LDAF1: variants seen among roughly 807,000 people sequenced by gnomAD.
LDAF1 encodes the protein PROMETHIN.
A neutral mutation model predicts 13.5 loss-of-function variants in LDAF1; 7 were observed. The observed-to-expected ratio is 0.52, with a 90% CI of 0.29 to 0.97. The LOEUF (loss-of-function observed/expected upper bound fraction) is 0.97. LDAF1 is among the 50% of genes least tolerant of loss of function. The pLI is 0.07. For missense variants in LDAF1, 148 were observed against 193.2 expected, an observed-to-expected ratio of 0.77 and a Z score of 1.39; for synonymous variants, 69 against 77.1, an observed-to-expected ratio of 0.89 and a Z score of 0.55.
At chr16:21,166,736 TG>T in intron 2 of LDAF1, 1 of 893,462 alleles carries the variant, frequency 1.1e-6, no homozygotes, top group Non-Finnish European at 1.8e-6. Flanking sequence ...AGGATGCATG[TG>T]GATTCGAACT....
intron 3 of LDAF1, 81 bp from the exon 4 acceptor site, chr16:21,173,929 T>C: frequency 7.1e-7 from 1 of 1,409,456 alleles, no homozygotes; most frequent in South Asian, 1.4e-5. Context: ...GCGGTTGTTA[T>C]TTTAAACAGA....
chr16:21,166,659 C>T (rs962150632), intron 2 of LDAF1, among the ~76,000 whole-genome samples: 5 of 152,208 alleles, frequency 3.3e-5, no homozygotes, highest in African/African-American at 1.2e-4. Context: ...TCCTGGAGAG[C>T]CCATCTGCTC....
intron 2 of LDAF1, chr16:21,165,749 A>G (rs1365362184): frequency 2.3e-5 from 9 of 383,998 alleles, no homozygotes; most frequent in Non-Finnish European, 3.2e-5. Context: ...TTTTTCCCAG[A>G]TGAAATTTAA....
chr16:21,177,037 A>C (rs1345470345), intron 4 of LDAF1: 2 of 152,224 alleles, frequency 1.3e-5, no homozygotes, highest in Non-Finnish European at 2.9e-5. Flanking sequence ...TAAAAGGAAC[A>C]ATATTACCTG....
At chr16:21,162,708 A>C (rs2092988469) in intron 2 of LDAF1, among the ~76,000 whole-genome samples, 1 of 152,226 alleles carries the variant, frequency 6.6e-6, no homozygotes, top group Admixed American at 6.5e-5. Flanking sequence ...TTGTGGATTT[A>C]CCAAGCTATT....
chr16:21,159,116 A>C (rs1380139431), intron 1 of LDAF1, among the ~76,000 whole-genome samples: 1 of 151,688 alleles, frequency 6.6e-6, no homozygotes, highest in East Asian at 1.9e-4. Flanking sequence ...ACGTCGAGGC[A>C]AACCTCCCTA....
chr16:21,170,994 G>A (rs1240766084), intron 3 of LDAF1, among the ~76,000 whole-genome samples: 1 of 152,182 alleles, frequency 6.6e-6, no homozygotes, highest in African/African-American at 2.4e-5. Context: ...AAAGGTTGTT[G>A]TGAAGATTGA....
In LDAF1 at chr16:21,179,659, T is replaced by A; in HGVS notation, c.*103T>A. The A allele has an allele frequency of 1.0e-6, 1 of 986,152 alleles. No individual in the cohort carries two copies. The highest frequency in any genetic ancestry group is 1.5e-6 in the Non-Finnish European group (1 of 659,606). 61.1% of individuals were successfully genotyped at this position (986,152 alleles called of 1,614,324 possible). On this transcript the variant is annotated 3_prime_UTR_variant, in exon 5 of 5. Coordinates refer to ENST00000233047, the MANE Select transcript of LDAF1 (RefSeq NM_001301771.2). ...GGGGGCTGGGTAGGCAAGCACTCCT[T>A]GGCTGTGTCCTCTCGCTTTTTCACT...
chr16:21,178,179 C>A (rs1403528910), intron 4 of LDAF1: 1 of 984,362 alleles, frequency 1.0e-6, no homozygotes, highest in African/African-American at 1.7e-5. Context: ...TGTAGATCAG[C>A]TAGCCTCTGA....
intron 4 of LDAF1, 157 bp from the exon 5 acceptor site, chr16:21,179,318 C>T: frequency 1.0e-6 from 1 of 983,644 alleles, no homozygotes; most frequent in South Asian, 4.7e-5. Flanking sequence ...CCTGTGCCCT[C>T]AGTTTCTTCA....
chr16:21,160,215 A>G (rs571291717), intron 1 of LDAF1, among the ~76,000 whole-genome samples: 5 of 152,128 alleles, frequency 3.3e-5, no homozygotes, highest in Non-Finnish European at 7.3e-5. Context: ...AATGGAAAAG[A>G]TATCTCTGTG....
At chr16:21,168,826 T>C (rs59222998) in intron 2 of LDAF1, among the ~76,000 whole-genome samples, 6,503 of 132,266 alleles carry the variant, frequency 0.049, 218 homozygotes, top group East Asian at 0.17. Context: ...TTAAATATAA[T>C]TTAATTTTAT....
chr16:21,159,884 C>CT, intron 1 of LDAF1: 1 of 982,890 alleles, frequency 1.0e-6, no homozygotes, highest in Non-Finnish European at 1.2e-6. Flanking sequence ...ATTATGGGAA[C>CT]TGAGTGCTGG....
At position 21,179,485 on chromosome 16, in the gene LDAF1, C is replaced by G. The variant is rs757802375; in HGVS notation, c.415C>G (p.Gln139Glu). ...CTTGTTATCCGACAGGCCACTGACA[C>G]AGCAAAACACCAGTTGTGACTTTCT... ...SCWFSPRPLTQQNTSCDFLPA... is the reference protein window; with the variant it reads ...SCWFSPRPLTEQNTSCDFLPA... Residue 139 changes from glutamine (Q) to glutamate (E), a missense_variant, in exon 5 of 5, where the codon CAG becomes GAG. By Grantham distance (29) the Gln-to-Glu change is conservative (BLOSUM62 2). Transcript: ENST00000233047. 1 of 1,614,178 alleles carries G rather than the reference C, an allele frequency of 6.2e-7. No homozygotes were observed. Among genetic ancestry groups the G allele is most frequent in the Admixed American group, 1.7e-5 (1 of 60,024 alleles).
rs1567201166 is a variant in LDAF1 at position 21,174,088 on chromosome 16, G to A, written c.344G>A (p.Gly115Glu). The A allele has an allele frequency of 6.2e-7, 1 of 1,614,000 alleles. No individual in the cohort carries two copies. The highest frequency in any genetic ancestry group is 1.7e-4 in the Middle Eastern group (1 of 6,060). The change falls in exon 4 of 5, where the codon GGG (glycine) becomes GAG (glutamate). Residue 115 changes from glycine (G) to glutamate (E), a missense_variant. Gly to Glu is a moderately conservative substitution (Grantham distance 98, BLOSUM62 -2). Coordinates refer to ENST00000233047, the MANE Select transcript of LDAF1 (RefSeq NM_001301771.2). ...GGCTTCGTATCACTCGCCATGTCGGGGATGATGATAGCATCTTATGTAGTG... is the reference window on the plus strand; with the variant it reads ...GGCTTCGTATCACTCGCCATGTCGGAGATGATGATAGCATCTTATGTAGTG... The part of the protein sequence containing the change: ...GLGFVSLAMS[G>E]MMIASYVVVS...
intron 4 of LDAF1, 38 bp downstream of exon 4, chr16:21,174,186 C>A (rs778195256): frequency 6.3e-7 from 1 of 1,577,192 alleles, no homozygotes; most frequent in Non-Finnish European, 8.6e-7. Context: ...TTTTTTTAAT[C>A]TTTCTACTTT....
intron 4 of LDAF1, chr16:21,178,286 CAGAGCCA>C: frequency 2.0e-6 from 2 of 985,356 alleles, no homozygotes; most frequent in Non-Finnish European, 2.4e-6. Context: ...TGTTTATTTG[CAGAGCCA>C]CCAAACTCAC....
At chr16:21,166,875 T>A (rs1199921613) in intron 2 of LDAF1, 1 of 1,535,730 alleles carries the variant, frequency 6.5e-7, no homozygotes, top group African/African-American at 1.4e-5. Flanking sequence ...TGGACTCTGA[T>A]GATGGAGTGT....
In LDAF1 at chr16:21,169,089, C is replaced by T; in HGVS notation, c.97-1348C>T. The T allele has an allele frequency of 3.9e-6, 3 of 768,650 alleles. 1 individual carries two copies. Among genetic ancestry groups the T allele is most frequent in the South Asian group, 1.2e-4 (2 of 16,920 alleles). 47.6% of individuals were successfully genotyped at this position (768,650 alleles called of 1,614,324 possible). On this transcript the variant is annotated intron_variant, in intron 2 of 4. Coordinates refer to ENST00000233047, the MANE Select transcript of LDAF1 (RefSeq NM_001301771.2). ...AGTGATTAGCTTTTAATGCTAATCACTTTAATAATGCTTTTAATAATAATA... is the reference window on the plus strand; with the variant it reads ...AGTGATTAGCTTTTAATGCTAATCATTTTAATAATGCTTTTAATAATAATA...
Sources: allele counts gnomAD v4.1 joint callset (sites outside exome capture counted in the v4.1 genomes callset), GRCh38; gene constraint gnomAD v4.1.1; transcripts MANE v1.5; gene names NCBI Gene and HGNC (gene_info 2026-07-23, HGNC 2026-07-21).